POLR1C: variants seen among roughly 807,000 people sequenced by gnomAD.
POLR1C encodes DNA-directed RNA polymerases I and III subunit RPAC1.
A neutral mutation model predicts 38.3 loss-of-function variants in POLR1C; 42 were observed. The observed-to-expected ratio is 1.10, with a 90% confidence interval of 0.86 to 1.42. The LOEUF is 1.42. Ranked by LOEUF, POLR1C falls within the 40% of genes most tolerant of loss-of-function variation. The pLI is 0.00. For synonymous variants in POLR1C, 163 were observed against 163.9 expected (o/e 0.99, Z 0.04); for missense variants, 507 against 450.5 (o/e 1.13, Z -1.14).
chr6:43,519,359 G>A lies in POLR1C; in HGVS notation c.168G>A (p.Met56Ile). 1 of 1,613,146 alleles carries A rather than the reference G, an allele frequency of 6.2e-7. No individual in the cohort carries two copies. The highest frequency in any genetic ancestry group is 8.5e-7 in the Non-Finnish European group (1 of 1,179,098). ...ATTTCCGTGTGGATGTAGTACACAT[G>A]GATGAAAACTCACTGGAGTTTGACA... Reference protein sequence around the residue: ...EKNFRVDVVHMDENSLEFDMV... With the variant: ...EKNFRVDVVHIDENSLEFDMV... Residue 56 changes from methionine to isoleucine, a missense_variant, in exon 3 of 9, where the codon ATG becomes ATA. Transcript: ENST00000642195.
Position 43,561,054 on chromosome 6 carries a change from GGA to G in POLR1C, c.*49-342_*49-341del, listed in dbSNP as rs770206276. 294 of 1,474,310 alleles carry G rather than the reference GGA, an allele frequency of 2.0e-4. 1 individual carries two copies. The highest frequency in any genetic ancestry group is 2.4e-4 in the Non-Finnish European group (255 of 1,058,560). The allele number at this position is 1,474,310 out of a possible 1,614,324, so 91.3% of individuals were successfully genotyped here. On this transcript the variant is annotated intron_variant, in intron 10 of 10. Transcript: ENST00000607635. Reference sequence around the variant, plus strand: ...TTAACGGTGTTGATCGAGAAAAGCAGGAGAGGAAAAAGCAGGGAAGTAATAAA... The same window carrying G: ...TTAACGGTGTTGATCGAGAAAAGCAGGAGGAAAAAGCAGGGAAGTAATAAA...
At chr6:43,528,308 A>G in intron 8 of POLR1C, 1 of 1,215,426 alleles carries the variant, frequency 8.2e-7, no homozygotes, top group Non-Finnish European at 1.2e-6. Flanking sequence ...GCCAAGGATG[A>G]TTCTAGGCAT....
At chr6:43,519,656 A>AG (rs762169588) in intron 3 of POLR1C, 50 bp from the exon 4 acceptor site, 2 of 1,613,718 alleles carry the variant, frequency 1.2e-6, no homozygotes, top group East Asian at 4.5e-5. Context: ...GGGGATAGGT[A>AG]GGGGGTCTGT....
At chr6:43,538,771 C>CTTT in intron 9 of POLR1C, 1 of 532,650 alleles carries the variant, frequency 1.9e-6, no homozygotes, top group South Asian at 3.1e-5. Flanking sequence ...CTACATTTTT[C>CTTT]TTTTTTTTTT....
chr6:43,548,480 A>C (rs775004201), intron 9 of POLR1C: 13 of 1,520,510 alleles, frequency 8.5e-6, no homozygotes, highest in Non-Finnish European at 1.2e-5. Context: ...AAAAAGAAAA[A>C]AAGCCAGAGG....
chr6:43,549,638 TAG>T (rs1290710513), intron 9 of POLR1C: 1 of 1,557,480 alleles, frequency 6.4e-7, no homozygotes, highest in East Asian at 2.3e-5. Context: ...AGGTGCTGCA[TAG>T]ACTCATGTGA....
At chr6:43,533,658 AAG>A (rs1178474606), downstream of POLR1C, 2 of 289,942 alleles carry the variant, frequency 6.9e-6, no homozygotes, top group Non-Finnish European at 1.4e-5. Context: ...GCAACATAGC[AAG>A]ACTCTGTCTC....
rs186395114 is a variant in POLR1C, at chr6:43,517,366, C to A, written c.130C>A (p.Arg44Ser). The A allele has an allele frequency of 6.2e-7, 1 of 1,613,780 alleles. No homozygotes were observed. The highest frequency in any genetic ancestry group is 2.2e-5 in the East Asian group (1 of 44,854). ...SGYDDAWDQD[R>S]FEKNFRVDVV... The stretch of plus-strand genomic sequence containing the variant: ...TTATGATGATGCCTGGGACCAGGAC[C>A]GCTTCGAGAAGGTAAGTGGGGCCGG... Residue 44 changes from arginine (R) to serine (S), a missense_variant, in exon 2 of 9, where the codon CGC (arginine) becomes AGC (serine). Arg to Ser is a moderately radical substitution (Grantham distance 110). Coordinates refer to ENST00000642195, the MANE Select transcript of POLR1C (RefSeq NM_203290.4).
intron 10 of POLR1C, among the ~76,000 whole-genome samples, chr6:43,557,482 A>G (rs1409068478): frequency 6.6e-6 from 1 of 152,160 alleles, no homozygotes; most frequent in Non-Finnish European, 1.5e-5. Context: ...ATTTAAAAAC[A>G]TTATGCAAGT....
chr6:43,536,881 A>G (rs1460099547), intron 9 of POLR1C, among the ~76,000 whole-genome samples: 1 of 151,716 alleles, frequency 6.6e-6, no homozygotes, highest in East Asian at 1.9e-4. Context: ...TAACACGGTG[A>G]AACAGACAAT....
chr6:43,519,370 C>T lies in POLR1C; in HGVS notation c.179C>T (p.Ser60Leu), dbSNP rs1419929714. ...RVDVVHMDEN[S>L]LEFDMVGIDA... The stretch of plus-strand genomic sequence containing the variant: ...GATGTAGTACACATGGATGAAAACT[C>T]ACTGGAGTTTGACATGGTGGGAATT... Residue 60 changes from serine to leucine, a missense_variant, in exon 3 of 9, where the codon TCA becomes TTA. Transcript: ENST00000642195. 3.7e-6 allele frequency: 6 copies of T among 1,613,808 alleles called. No homozygotes were observed. Among genetic ancestry groups the T allele is most frequent in the South Asian group, 1.1e-5 (1 of 91,082 alleles).
chr6:43,551,531 A>G, intron 10 of POLR1C: 3 of 1,550,996 alleles, frequency 1.9e-6, no homozygotes, highest in Non-Finnish European at 2.6e-6. Flanking sequence ...TTTTATTTTC[A>G]TCTTTTAAAG....
Position 43,519,764 on chromosome 6 carries a change from A to G in POLR1C, c.308A>G (p.Asp103Gly). 1 of 1,614,072 alleles carries G rather than the reference A, an allele frequency of 6.2e-7. No homozygotes were observed. ...LVYNNTSIVQ[D>G]EILAHRLGLI... is the part of the protein sequence containing the mutation. Reference sequence around the variant, plus strand: ...TACAATAATACATCCATTGTTCAGGATGAGATTCTTGCTCACCGTCTGGGG... The same window carrying G: ...TACAATAATACATCCATTGTTCAGGGTGAGATTCTTGCTCACCGTCTGGGG... The change falls in exon 4 of 9, where the codon GAT becomes GGT. Residue 103 changes from aspartate (D) to glycine (G), a missense_variant. Transcript: ENST00000642195.
chr6:43,527,342 G>T, intron 8 of POLR1C: 1 of 261,248 alleles, frequency 3.8e-6, no homozygotes, highest in Admixed American at 5.0e-5. Context: ...CGTGATTTCG[G>T]CTCACTGCAG....
chr6:43,543,762 C>T (rs763158864), intron 9 of POLR1C, among the ~76,000 whole-genome samples: 11 of 151,940 alleles, frequency 7.2e-5, no homozygotes, highest in Non-Finnish European at 1.3e-4. Context: ...CTGCAACCTC[C>T]ACCTCCCAGG....
At chr6:43,554,851 T>A (rs939692185) in intron 10 of POLR1C, 1 of 152,156 alleles carries the variant, frequency 6.6e-6, no homozygotes, top group African/African-American at 2.4e-5. Flanking sequence ...TAGAGTCAAT[T>A]GTAAATAAAG....
rs758526789 is a variant in POLR1C, at chr6:43,517,159, G to A, written c.50G>A (p.Gly17Glu). 18 of 1,614,176 alleles carry A rather than the reference G, an allele frequency of 1.1e-5. No homozygotes were observed. The highest frequency in any genetic ancestry group is 1.5e-5 in the Non-Finnish European group (18 of 1,180,030). The change falls in exon 1 of 9, where the codon GGG (glycine) becomes GAG (glutamate). Residue 17 changes from glycine to glutamate, a missense_variant. Gly to Glu is a moderately conservative substitution (Grantham distance 98). Transcript: ENST00000642195. The stretch of plus-strand genomic sequence containing the variant: ...GAAATGCGGAGCCGCGTGGTTCTGG[G>A]GGAGTTTGGGGTTCGCAATGTAAGC... ...VEEMRSRVVLGEFGVRNVHTT... is the reference protein window; with the variant it reads ...VEEMRSRVVLEEFGVRNVHTT...
intron 9 of POLR1C, among the ~76,000 whole-genome samples, chr6:43,537,903 C>A (rs1432293026): frequency 1.3e-5 from 2 of 151,758 alleles, no homozygotes; most frequent in East Asian, 3.9e-4. Context: ...CCTGTATCTA[C>A]TAAAAATACA....
chr6:43,536,414 C>T (rs1377945378), intron 9 of POLR1C, among the ~76,000 whole-genome samples: 1 of 130,366 alleles, frequency 7.7e-6, no homozygotes, highest in Non-Finnish European at 1.7e-5. Flanking sequence ...GACTCCAACT[C>T]GACAAAAAAA....
Sources: allele counts gnomAD v4.1 joint callset (sites outside exome capture counted in the v4.1 genomes callset), GRCh38; gene constraint gnomAD v4.1.1; transcripts MANE v1.5; gene names NCBI Gene and HGNC (gene_info 2026-07-23, HGNC 2026-07-21).